AGBL4: variants seen among roughly 807,000 people sequenced by gnomAD.
AGBL4 encodes the protein cytosolic carboxypeptidase 6.
Under a neutral mutation model 66.4 loss-of-function variants are expected in AGBL4, and 58 were observed. The ratio of observed to expected loss-of-function variants is 0.87; its 90% CI spans 0.71 to 1.09. The LOEUF (loss-of-function observed/expected upper bound fraction) is 1.09. AGBL4 is among the 50% of genes least tolerant of loss of function. The pLI is 0.00. For missense variants in AGBL4, 579 were observed against 631.0 expected (o/e 0.92, Z 0.88); for synonymous variants, 234 against 222.9 (o/e 1.05, Z -0.44).
At chr1:49,828,221 T>G (rs1645561478) in intron 2 of AGBL4, among the ~76,000 whole-genome samples, 1 of 152,178 alleles carries the variant, frequency 6.6e-6, no homozygotes, top group African/African-American at 2.4e-5. Flanking sequence ...ATTGAATGCC[T>G]ACTCTATGTT....
chr1:49,988,175 C>A (rs555720587), intron 1 of AGBL4, among the ~76,000 whole-genome samples: 7 of 151,990 alleles, frequency 4.6e-5, no homozygotes. Flanking sequence ...ATAAAAGCTT[C>A]TTTTAAACAG....
At chr1:49,038,542 C>A (rs1457532693) in intron 5 of AGBL4, among the ~76,000 whole-genome samples, 2 of 152,004 alleles carry the variant, frequency 1.3e-5, no homozygotes, top group African/African-American at 4.8e-5. Flanking sequence ...GAGCCAAAGA[C>A]CTTAACAGAT....
At chr1:48,799,477 G>A (rs992898253) in intron 6 of AGBL4, among the ~76,000 whole-genome samples, 9 of 152,084 alleles carry the variant, frequency 5.9e-5, no homozygotes, top group African/African-American at 2.2e-4. Flanking sequence ...TGATTTGGAT[G>A]CCTTTTATTT....
rs143747966 is a variant in AGBL4 at position 48,579,393 on chromosome 1, ATTTTGTTGTTGT to A, written c.1267+7599_1267+7610del. Among the ~76,000 whole-genome samples the A allele has an allele frequency of 6.8e-3, 1,032 of 151,108 alleles. 15 individuals are homozygous for A. The highest frequency in any genetic ancestry group is 0.024 in the African/African-American group (980 of 41,180). On this transcript the variant is annotated intron_variant, in intron 11 of 13. Coordinates refer to ENST00000371839, the MANE Select transcript of AGBL4 (RefSeq NM_032785.4). The stretch of plus-strand genomic sequence containing the variant: ...CAGGGGCCCGCCAACAAGTTTGGCT[ATTTTGTTGTTGT>A]TTTTGTTGTATTTTTAGTACAGATG...
intron 3 of AGBL4, among the ~76,000 whole-genome samples, chr1:49,510,267 T>C (rs1269780112): frequency 5.3e-5 from 8 of 152,094 alleles, no homozygotes; most frequent in Middle Eastern, 3.4e-3. Context: ...TTTTTAATGA[T>C]TGCCATTCTA....
intron 4 of AGBL4, among the ~76,000 whole-genome samples, chr1:49,073,005 C>A (rs1644639891): frequency 6.6e-6 from 1 of 152,142 alleles, no homozygotes; most frequent in South Asian, 2.1e-4. Flanking sequence ...GATTTTCAGT[C>A]ACTGATATCC....
At chr1:49,403,716 T>C (rs1570633597) in intron 3 of AGBL4, among the ~76,000 whole-genome samples, 1 of 152,336 alleles carries the variant, frequency 6.6e-6, no homozygotes, top group African/African-American at 2.4e-5. Context: ...TCTGGGCTTT[T>C]TGTATCCAAA....
At chr1:49,468,449 C>A (rs1646673468) in intron 3 of AGBL4, among the ~76,000 whole-genome samples, 1 of 151,606 alleles carries the variant, frequency 6.6e-6, no homozygotes. Context: ...GATCAAAGTC[C>A]CCCAAAATAC....
At chr1:48,697,080 T>C (rs1646723968) in intron 6 of AGBL4, among the ~76,000 whole-genome samples, 1 of 152,176 alleles carries the variant, frequency 6.6e-6, no homozygotes, top group Non-Finnish European at 1.5e-5. Context: ...TGTTTCTATA[T>C]CTGGGTAATA....
intron 2 of AGBL4, among the ~76,000 whole-genome samples, chr1:49,782,909 GT>G (rs1209611778): frequency 1.3e-5 from 2 of 151,918 alleles, no homozygotes; most frequent in African/African-American, 4.8e-5. Context: ...ATAAATTTCT[GT>G]TTATTGCAAA....
At chr1:49,709,595 T>G (rs920532703) in intron 2 of AGBL4, among the ~76,000 whole-genome samples, 7 of 152,036 alleles carry the variant, frequency 4.6e-5, no homozygotes, top group African/African-American at 1.7e-4. Context: ...AAGCCAAAAT[T>G]GATAAATGGG....
intron 1 of AGBL4, among the ~76,000 whole-genome samples, chr1:49,895,141 T>C (rs1649058337): frequency 6.6e-6 from 1 of 150,410 alleles, no homozygotes; most frequent in Admixed American, 6.6e-5. Context: ...ACTTTTATCC[T>C]AGAATAGTAT....
At position 49,251,376 on chromosome 1, in the gene AGBL4, A is replaced by G. The variant is rs911505971; in HGVS notation, c.283-5512T>C. ...AGTCTGCTCCCTCTCCCTTGCTCAT[A>G]GCCATTGCAAATGGAGGCTTGGTGG... On this transcript the variant is annotated intron_variant, in intron 3 of 13. Transcript: ENST00000371839. Among the ~76,000 whole-genome samples the G allele has an allele frequency of 4.0e-4, 61 of 152,232 alleles. 1 individual carries two copies. The highest frequency in any genetic ancestry group is 1.4e-3 in the African/African-American group (58 of 41,552).
At chr1:48,826,898 C>T (rs1199792363) in intron 6 of AGBL4, among the ~76,000 whole-genome samples, 1 of 152,132 alleles carries the variant, frequency 6.6e-6, no homozygotes, top group African/African-American at 2.4e-5. Flanking sequence ...TATCCCCATG[C>T]CCCGGAGTCT....
chr1:48,616,293 G>A (rs1388876093), intron 9 of AGBL4, among the ~76,000 whole-genome samples: 2 of 152,130 alleles, frequency 1.3e-5, no homozygotes, highest in African/African-American at 4.8e-5. Flanking sequence ...GTTACACCAT[G>A]CCCTCAGATT....
chr1:49,874,906 T>C (rs1381498963), intron 1 of AGBL4, among the ~76,000 whole-genome samples: 3 of 151,280 alleles, frequency 2.0e-5, no homozygotes, highest in African/African-American at 4.9e-5. Flanking sequence ...ACATGTGACA[T>C]GCTGGTGTGC....
chr1:49,381,307 C>T (rs770146959), intron 3 of AGBL4, among the ~76,000 whole-genome samples: 52 of 152,232 alleles, frequency 3.4e-4, no homozygotes, highest in African/African-American at 7.2e-4. Flanking sequence ...TATCATCTCA[C>T]ACCAGTTAGA....
chr1:49,297,024 C>A (rs1185118875), intron 3 of AGBL4, among the ~76,000 whole-genome samples: 8 of 152,188 alleles, frequency 5.3e-5, no homozygotes, highest in Admixed American at 5.2e-4. Flanking sequence ...TCCTTCTCTG[C>A]CTATGCTCAA....
intron 3 of AGBL4, among the ~76,000 whole-genome samples, chr1:49,366,587 C>T (rs1369057341): frequency 6.6e-6 from 1 of 152,094 alleles, no homozygotes; most frequent in Non-Finnish European, 1.5e-5. Flanking sequence ...ATTGTCATAG[C>T]TTTTTCTGAG....
Sources: gnomAD v4.1 joint callset for allele counts (sites outside exome capture counted in the v4.1 genomes callset) on GRCh38, gnomAD v4.1.1 for gene constraint, MANE v1.5 for transcripts, NCBI Gene and HGNC (gene_info 2026-07-23, HGNC 2026-07-21) for gene names.